Variants in DMXL1 observed in about 807,000 individuals in gnomAD.
DMXL1 encodes dmX-like protein 1.
A neutral mutation model predicts 319.2 loss-of-function variants in DMXL1; 99 were observed. That is an observed-to-expected ratio of 0.31 (90% CI 0.26 to 0.37). DMXL1 has a LOEUF of 0.37. Ranked by LOEUF, DMXL1 falls within the 10% of genes least tolerant of loss-of-function variation. The pLI is 1.00. For missense variants in DMXL1, 3,745 were observed against 3,595.6 expected (o/e 1.04, Z -1.06); for synonymous variants, 1,385 against 1,235.2 (o/e 1.12, Z -2.54).
rs748812217 is a variant in DMXL1, at chr5:119,150,026, T to C, written c.4199T>C (p.Ile1400Thr). 6.2e-7 allele frequency: 1 copy of C among 1,613,792 alleles called. No individual in the cohort carries two copies. Among genetic ancestry groups the C allele is most frequent in the Admixed American group, 1.7e-5 (1 of 59,972 alleles). The stretch of plus-strand genomic sequence containing the variant: ...GCTGAAAATACAGATTACACAGAAA[T>C]AGATTCTGTTCCTCCACTTCCTTTA... Reference protein sequence around the residue: ...NKAENTDYTEIDSVPPLPLYA... With the variant: ...NKAENTDYTETDSVPPLPLYA... The change falls in exon 18 of 44, where the codon ATA becomes ACA. Residue 1400 changes from isoleucine (I) to threonine (T), a missense_variant. Physicochemically the swap from Ile to Thr is moderately conservative, Grantham distance 89. This residue lies in a region of DMXL1 where 2,096 missense variants were observed against 1,985.4 expected (regional missense o/e 1.06). Transcript: ENST00000539542.
chr5:119,137,399 T>A (rs1766261116), intron 13 of DMXL1, among the ~76,000 whole-genome samples: 2 of 152,196 alleles, frequency 1.3e-5, no homozygotes, highest in African/African-American at 4.8e-5. Context: ...CTTGGACTTT[T>A]GGGTTAATGC....
chr5:119,173,636 T>C (rs1410042376), intron 25 of DMXL1, among the ~76,000 whole-genome samples: 10 of 150,092 alleles, frequency 6.7e-5, no homozygotes, highest in African/African-American at 2.5e-4. Flanking sequence ...AATATATTTG[T>C]CTGGATTCAC....
chr5:119,178,073 A>T lies in DMXL1; in HGVS notation c.6964A>T (p.Ile2322Phe). The T allele has an allele frequency of 6.2e-7, 1 of 1,613,970 alleles. No homozygotes were observed. Among genetic ancestry groups the T allele is most frequent in the Non-Finnish European group, 8.5e-7 (1 of 1,179,860 alleles). Residue 2322 changes from isoleucine (I) to phenylalanine (F), a missense_variant, in exon 28 of 44, where the codon ATT becomes TTT. Physicochemically the swap from Ile to Phe is conservative, Grantham distance 21. Transcript: ENST00000539542. Reference protein sequence around the residue: ...QSGLTVLLCEILTAVYLSLFI... With the variant: ...QSGLTVLLCEFLTAVYLSLFI... ...AGGGCTTACAGTCTTGCTCTGTGAG[A>T]TTCTCACAGCAGTGTATCTTAGTCT...
chr5:119,217,072 C>A, intron 35 of DMXL1, 85 bp downstream of exon 35: 1 of 784,188 alleles, frequency 1.3e-6, no homozygotes, highest in Non-Finnish European at 1.9e-6. Flanking sequence ...TCCAGTATTT[C>A]TTTCCCAAAG....
At chr5:119,084,899 C>G (rs1009261608) in intron 1 of DMXL1, among the ~76,000 whole-genome samples, 37 of 150,670 alleles carry the variant, frequency 2.5e-4, no homozygotes, top group Non-Finnish European at 4.6e-4. Context: ...AAATTGTCTT[C>G]TGTGTGGTCA....
At chr5:119,090,485 A>G (rs1754513210) in intron 1 of DMXL1, among the ~76,000 whole-genome samples, 1 of 146,598 alleles carries the variant, frequency 6.8e-6, no homozygotes, top group Non-Finnish European at 1.5e-5. Context: ...CAATTCTTAG[A>G]TTTCATTTTT....
chr5:119,130,412 G>A (rs1764600212), intron 10 of DMXL1, among the ~76,000 whole-genome samples: 1 of 151,390 alleles, frequency 6.6e-6, no homozygotes. Context: ...GCACAATCTT[G>A]GCTCACTGCA....
intron 35 of DMXL1, 92 bp downstream of exon 35, chr5:119,217,079 A>G (rs1188138765): frequency 1.4e-6 from 1 of 711,330 alleles, no homozygotes; most frequent in Non-Finnish European, 2.2e-6. Flanking sequence ...TTTCTTTCCC[A>G]AAGCTGCTTC....
intron 34 of DMXL1, among the ~76,000 whole-genome samples, chr5:119,216,644 G>C (rs1191600710): frequency 6.6e-6 from 1 of 151,942 alleles, no homozygotes; most frequent in African/African-American, 2.4e-5. Context: ...ACTGTATCTC[G>C]GGAGGATAGC....
rs1432514741 is a variant in DMXL1 at position 119,202,908 on chromosome 5, TA to T, written c.7746-410del. ...TTTTATATATATATATATATATATT[TA>T]TATATTTTTATATATATATAATTTC... On this transcript the variant is annotated intron_variant, in intron 32 of 43. Coordinates refer to ENST00000539542, the MANE Select transcript of DMXL1 (RefSeq NM_001290321.3). Among the ~76,000 whole-genome samples, 388 of 144,276 alleles carry T rather than the reference TA, an allele frequency of 2.7e-3. 1 individual carries two copies. Among genetic ancestry groups the T allele is most frequent in the African/African-American group, 9.6e-3 (378 of 39,572 alleles). The allele number at this position is 144,276 out of a possible 152,430, so 94.7% of individuals were successfully genotyped here. A position where few individuals can be genotyped will look rare whatever the true frequency, so the allele number is the denominator to read the frequency against.
chr5:119,122,184 T>G (rs1356043702), intron 9 of DMXL1, among the ~76,000 whole-genome samples: 137 of 79,202 alleles, frequency 1.7e-3, no homozygotes, highest in South Asian at 2.1e-3. Context: ...CCGGGCAGAG[T>G]GGCTCCTCAC....
At chr5:119,198,002 T>G (rs1561855049) in intron 32 of DMXL1, 46 bp downstream of exon 32, 1 of 1,581,052 alleles carries the variant, frequency 6.3e-7, no homozygotes, top group African/African-American at 1.3e-5. Context: ...GTTTGTTTGT[T>G]TTTTGAGATG....
rs368755925 is a variant in DMXL1 at position 119,238,967 on chromosome 5, G to A, written c.8560-22G>A. On this transcript the variant is annotated intron_variant, in intron 40 of 43. Coordinates refer to ENST00000539542, the MANE Select transcript of DMXL1 (RefSeq NM_001290321.3). ...ACATTTTTAGTGAGAGGAGTAACACGTATTGTTTGTAACCATTCCAGACTT... is the reference window on the plus strand; with the variant it reads ...ACATTTTTAGTGAGAGGAGTAACACATATTGTTTGTAACCATTCCAGACTT... 8.3e-4 allele frequency: 1,336 copies of A among 1,612,902 alleles called. 2 individuals are homozygous for A. The highest frequency in any genetic ancestry group is 1.0e-3 in the Non-Finnish European group (1,233 of 1,179,550).
At chr5:119,212,791 A>C (rs1293617692) in intron 34 of DMXL1, among the ~76,000 whole-genome samples, 1 of 152,114 alleles carries the variant, frequency 6.6e-6, no homozygotes, top group Non-Finnish European at 1.5e-5. Context: ...TGAGGCCTTT[A>C]ACAAATAAAA....
chr5:119,168,571 C>T (rs762534285), intron 23 of DMXL1, among the ~76,000 whole-genome samples: 8 of 152,196 alleles, frequency 5.3e-5, no homozygotes, highest in Non-Finnish European at 1.0e-4. Context: ...TGGCCTTCGC[C>T]TTACTTCCTA....
chr5:119,092,853 A>T (rs932924402), intron 1 of DMXL1, among the ~76,000 whole-genome samples: 1 of 152,240 alleles, frequency 6.6e-6, no homozygotes, highest in Non-Finnish European at 1.5e-5. Flanking sequence ...GCTTAATAAT[A>T]TTCCATTGTA....
chr5:119,167,384 ATATT>A (rs1773649266), intron 22 of DMXL1, among the ~76,000 whole-genome samples: 1 of 152,086 alleles, frequency 6.6e-6, no homozygotes, highest in Non-Finnish European at 1.5e-5. Flanking sequence ...ACATATATAT[ATATT>A]TAGTACTAGA....
At chr5:119,171,358 T>C in intron 24 of DMXL1, 78 bp downstream of exon 24, 1 of 1,389,476 alleles carries the variant, frequency 7.2e-7, no homozygotes, top group Non-Finnish European at 9.7e-7. Flanking sequence ...TTTTGAATAC[T>C]AAGACTTGAT....
At chr5:119,184,059 CT>C (rs1404022848) in intron 28 of DMXL1, among the ~76,000 whole-genome samples, 184 of 140,116 alleles carry the variant, frequency 1.3e-3, no homozygotes, top group Middle Eastern at 3.5e-3. Context: ...GTTTTCTTCT[CT>C]TTTTTTTTTT....
Sources: gnomAD v4.1 joint callset for allele counts (sites outside exome capture counted in the v4.1 genomes callset) on GRCh38, gnomAD v4.1.1 for gene constraint, gnomAD v4.1.1 regional missense constraint, MANE v1.5 for transcripts, NCBI Gene and HGNC (gene_info 2026-07-23, HGNC 2026-07-21) for gene names.